SART3: variants seen among roughly 807,000 people sequenced by gnomAD.
SART3 encodes spliceosome associated factor 3, U4/U6 recycling protein.
Under a neutral mutation model 122.3 loss-of-function variants are expected in SART3, and 44 were observed. That is an observed-to-expected ratio of 0.36 (90% CI 0.28 to 0.46). The LOEUF (loss-of-function observed/expected upper bound fraction) is 0.46, where lower values mean the gene tolerates loss of function less well. SART3 is among the 20% of genes least tolerant of loss of function. The pLI, the probability that SART3 is intolerant of heterozygous loss-of-function variation, is 1.00. For missense variants in SART3, 1,101 were observed against 1,229.0 expected (o/e 0.90, Z 1.56); for synonymous variants, 442 against 454.0 (o/e 0.97, Z 0.34).
In SART3 at chr12:108,544,714, C is replaced by T. The variant is rs141128920; in HGVS notation, c.730-236G>A. 5.1e-5 allele frequency: 32 copies of T among 631,606 alleles called. No individual in the cohort carries two copies. In the East Asian group the frequency reaches 5.7e-4, roughly 11 times the overall value. 39.1% of individuals were successfully genotyped at this position (631,606 alleles called of 1,614,324 possible). On this transcript the variant is annotated intron_variant, in intron 4 of 18. Coordinates refer to ENST00000546815, the MANE Select transcript of SART3 (RefSeq NM_014706.4). ...CTGAGTAGCTAGGACCACAGGCATA[C>T]GCCATCATGCCCAGCTAATGTTTTA... is the stretch of plus-strand genomic sequence containing the variant.
intron 6 of SART3, among the ~76,000 whole-genome samples, chr12:108,541,712 G>T (rs529381250): frequency 6.6e-6 from 1 of 151,998 alleles, no homozygotes; most frequent in South Asian, 2.1e-4. Flanking sequence ...CTAATTTTTT[G>T]TATTTTTAGT....
intron 15 of SART3, among the ~76,000 whole-genome samples, chr12:108,526,931 CACCCTAGTG>C (rs1872413459): frequency 6.6e-6 from 1 of 152,224 alleles, no homozygotes; most frequent in South Asian, 2.1e-4. Context: ...ACTGGAAAAG[CACCCTAGTG>C]ACTGATACCC....
chr12:108,541,228 G>A (rs1018053335), intron 6 of SART3, among the ~76,000 whole-genome samples: 3 of 151,918 alleles, frequency 2.0e-5, no homozygotes, highest in East Asian at 1.9e-4. Flanking sequence ...CCAACATGGC[G>A]AAACCCCGTC....
chr12:108,556,252 T>C (rs1345954667), intron 1 of SART3, among the ~76,000 whole-genome samples: 2 of 152,090 alleles, frequency 1.3e-5, no homozygotes, highest in East Asian at 1.9e-4. Flanking sequence ...CCACCACACA[T>C]AGCTAAATGT....
chr12:108,545,233 C>T lies in SART3; in HGVS notation c.635G>A (p.Arg212Lys), dbSNP rs1369071839. ...GLEKVRSVFE[R>K]ALSSVGLHMT... is the part of the protein sequence containing the mutation. ...ATGTAAACCAACAGACGAGAGAGCC[C>T]TTTCAAACACGGAGCGAACTTTCTC... Residue 212 changes from arginine (R) to lysine (K), a missense_variant, in exon 4 of 19, where the codon AGG becomes AAG. By Grantham distance (26) the Arg-to-Lys change is conservative. This residue lies in a region of SART3 where 885 missense variants were observed against 1,080.1 expected (regional missense o/e 0.82). Transcript: ENST00000546815. 6.2e-7 allele frequency: 1 copy of T among 1,614,040 alleles called. No individual in the cohort carries two copies. Among genetic ancestry groups the T allele is most frequent in the Non-Finnish European group, 8.5e-7 (1 of 1,180,034 alleles).
chr12:108,557,378 CTT>C (rs1433352465), intron 1 of SART3, among the ~76,000 whole-genome samples: 1 of 151,944 alleles, frequency 6.6e-6, no homozygotes, highest in Non-Finnish European at 1.5e-5. Context: ...TTAAAGGAAA[CTT>C]AACCAATCAC....
At chr12:108,531,532 T>C (rs1872676561) in intron 13 of SART3, 1 of 442,984 alleles carries the variant, frequency 2.3e-6, no homozygotes, top group South Asian at 2.6e-5. Flanking sequence ...GCAAAGAATA[T>C]GAAAACGAAC....
At chr12:108,541,320 T>C (rs926762119) in intron 6 of SART3, among the ~76,000 whole-genome samples, 4 of 151,612 alleles carry the variant, frequency 2.6e-5, no homozygotes, top group Non-Finnish European at 4.4e-5. Context: ...GGCAGGAGAA[T>C]CGCTTGAACC....
chr12:108,525,882 C>G, intron 16 of SART3: 1 of 620,570 alleles, frequency 1.6e-6, no homozygotes, highest in Non-Finnish European at 2.8e-6. Flanking sequence ...GCATTCAGCA[C>G]AGTCCCTTGT....
intron 1 of SART3, among the ~76,000 whole-genome samples, chr12:108,551,603 C>G (rs1456384621): frequency 6.6e-6 from 1 of 151,986 alleles, no homozygotes; most frequent in Non-Finnish European, 1.5e-5. Context: ...ACGCCGTCAA[C>G]GAACATGACC....
intron 1 of SART3, 59 bp from the exon 2 acceptor site, chr12:108,549,273 T>C (rs2029894455): frequency 3.2e-6 from 5 of 1,579,280 alleles, no homozygotes; most frequent in Non-Finnish European, 4.3e-6. Context: ...ACTTAGCTTT[T>C]GTCACTACTG....
At chr12:108,525,686 C>T in intron 16 of SART3, 77 bp from the exon 17 acceptor site, 1 of 1,482,538 alleles carries the variant, frequency 6.7e-7, no homozygotes, top group South Asian at 1.1e-5. Flanking sequence ...TGACACCAGC[C>T]TTGTCCCCAT....
At chr12:108,537,646 T>C (rs1369264189) in intron 8 of SART3, 51 bp from the exon 9 acceptor site, 13 of 1,373,634 alleles carry the variant, frequency 9.5e-6, no homozygotes, top group Non-Finnish European at 1.3e-5. Context: ...TGGAAACTAA[T>C]AGAAAGTCAC....
chr12:108,527,725 AG>A (rs1270319500), intron 15 of SART3, among the ~76,000 whole-genome samples: 1 of 152,200 alleles, frequency 6.6e-6, no homozygotes, highest in African/African-American at 2.4e-5. Flanking sequence ...GTATTAAGAA[AG>A]TATACAGAGT....
chr12:108,524,681 C>G (rs1181548891), intron 17 of SART3, 175 bp from the exon 18 acceptor site: 9 of 652,336 alleles, frequency 1.4e-5, no homozygotes, highest in Non-Finnish European at 2.5e-5. Flanking sequence ...GGCTTATTTC[C>G]CCACCCTACT....
At chr12:108,559,970 A>T (rs1232986256) in intron 1 of SART3, among the ~76,000 whole-genome samples, 2 of 152,198 alleles carry the variant, frequency 1.3e-5, no homozygotes, top group African/African-American at 4.8e-5. Flanking sequence ...CACAATTCAG[A>T]TCACACCCTT....
intron 3 of SART3, among the ~76,000 whole-genome samples, chr12:108,545,874 G>A (rs1320451322): frequency 3.4e-5 from 5 of 147,934 alleles, no homozygotes; most frequent in African/African-American, 1.2e-4. Context: ...GCTGAGGCAG[G>A]AGAATCGCTT....
At chr12:108,532,437 T>C in intron 12 of SART3, 103 bp from the exon 13 acceptor site, 2 of 883,586 alleles carry the variant, frequency 2.3e-6, no homozygotes, top group Non-Finnish European at 3.7e-6. Context: ...CTTCAGTAAC[T>C]CTAGCTTCTG....
intron 1 of SART3, among the ~76,000 whole-genome samples, chr12:108,559,664 C>CA (rs35159668): frequency 0.027 from 2,127 of 79,672 alleles, 24 homozygotes; most frequent in Middle Eastern, 0.041. Context: ...GACTCTGTCT[C>CA]AAAAAAAAAA....
Sources: gnomAD v4.1 joint callset for allele counts (sites outside exome capture counted in the v4.1 genomes callset) on GRCh38, gnomAD v4.1.1 for gene constraint, gnomAD v4.1.1 regional missense constraint, MANE v1.5 for transcripts, NCBI Gene and HGNC (gene_info 2026-07-23, HGNC 2026-07-21) for gene names.